The following TUBGCP6 variants were observed in gnomAD, a reference collection of about 807,000 sequenced individuals.
The protein encoded by TUBGCP6 is gamma-tubulin complex component 6.
A neutral mutation model predicts 175.8 loss-of-function variants in TUBGCP6; 161 were observed. That is an observed-to-expected ratio of 0.92 (90% CI 0.81 to 1.04). The LOEUF (loss-of-function observed/expected upper bound fraction) is 1.04. Ranked by LOEUF, TUBGCP6 falls within the 50% of genes least tolerant of loss-of-function variation. The pLI is 0.00. For synonymous variants in TUBGCP6, 1,173 were observed against 1,030.5 expected (o/e 1.14, Z -2.65); for missense variants, 2,572 against 2,433.0 (o/e 1.06, Z -1.20).
In TUBGCP6 at chr22:50,244,173, A is replaced by G; in HGVS notation, c.287T>C (p.Leu96Pro). Residue 96 changes from leucine (L) to proline (P), a missense_variant, in exon 1 of 25, where the codon CTG becomes CCG. Leu to Pro is a moderately conservative substitution (Grantham distance 98). Coordinates refer to ENST00000248846, the MANE Select transcript of TUBGCP6 (RefSeq NM_020461.4). ...AAGCGGACAGCAAGGGGCTGCTTCCAGCTCCTCCACAAGCTCCTCCAAACG... is the reference window on the plus strand; with the variant it reads ...AAGCGGACAGCAAGGGGCTGCTTCCGGCTCCTCCACAAGCTCCTCCAAACG... Reference protein sequence around the residue: ...ADRLEELVEELEAAPCCPLLE... With the variant: ...ADRLEELVEEPEAAPCCPLLE... The G allele has an allele frequency of 6.2e-7, 1 of 1,613,376 alleles. No homozygotes were observed. Among genetic ancestry groups the G allele is most frequent in the South Asian group, 1.1e-5 (1 of 91,084 alleles).
rs748339516 is a variant in TUBGCP6 at position 50,218,067 on chromosome 22, A to G, written c.5219T>C (p.Ile1740Thr). 10 of 1,613,432 alleles carry G rather than the reference A, an allele frequency of 6.2e-6. No individual in the cohort carries two copies. The highest frequency in any genetic ancestry group is 8.5e-6 in the Non-Finnish European group (10 of 1,179,916). ...AAPVMNVIHS[I>T]FSLVLKFRSQ... The stretch of plus-strand genomic sequence containing the variant: ...GCGGAACTTGAGCACGAGGCTGAAG[A>G]TGCTGTGGATGACGTTCATGACGGG... The change falls in exon 24 of 25, where the codon ATC (isoleucine) becomes ACC (threonine). Residue 1740 changes from isoleucine to threonine, a missense_variant. Coordinates refer to ENST00000248846, the MANE Select transcript of TUBGCP6 (RefSeq NM_020461.4).
Position 50,244,505 on chromosome 22 carries a change from C to G in TUBGCP6, c.-46G>C. 2.6e-6 allele frequency: 4 copies of G among 1,549,824 alleles called. No individual in the cohort carries two copies. The highest frequency in any genetic ancestry group is 1.9e-5 in the Admixed American group (1 of 52,020). On this transcript the variant is annotated 5_prime_UTR_variant, in exon 1 of 25. Coordinates refer to ENST00000248846, the MANE Select transcript of TUBGCP6 (RefSeq NM_020461.4). The stretch of plus-strand genomic sequence containing the variant: ...CCCCGGCGTGTGGGAAAACACCTCA[C>G]CCGGGCTTCACTCACGCTCCGGAAG...
In TUBGCP6 at chr22:50,217,904, A is replaced by T. The variant is rs766334237; in HGVS notation, c.5368+14T>A. The T allele has an allele frequency of 6.2e-7, 1 of 1,604,522 alleles. No homozygotes were observed. The highest frequency in any genetic ancestry group is 1.7e-5 in the Admixed American group (1 of 58,826). On this transcript the variant is annotated intron_variant, in intron 24 of 24. Coordinates refer to ENST00000248846, the MANE Select transcript of TUBGCP6 (RefSeq NM_020461.4). ...TGGCCCCCCCGCAGCCCTCCCAGCC[A>T]GGGTGGGCCTCACCTTTGAAGAGAA...
In TUBGCP6 at chr22:50,218,569, T is replaced by C; in HGVS notation, c.4873A>G (p.Ser1625Gly). 1 of 1,613,810 alleles carries C rather than the reference T, an allele frequency of 6.2e-7. No homozygotes were observed. Among genetic ancestry groups the C allele is most frequent in the Non-Finnish European group, 8.5e-7 (1 of 1,179,982 alleles). ...TGCAGCAGGAAGGAGAAGACGCCGC[T>C]GTACTTGCTCACGCAGCCCTCGGTG... is the stretch of plus-strand genomic sequence containing the variant. Reference protein sequence around the residue: ...VITEGCVSKYSGVFSFLLQLK... With the variant: ...VITEGCVSKYGGVFSFLLQLK... Residue 1625 changes from serine to glycine, a missense_variant, in exon 22 of 25, where the codon AGC (serine) becomes GGC (glycine). Ser to Gly is a moderately conservative substitution (Grantham distance 56). Coordinates refer to ENST00000248846, the MANE Select transcript of TUBGCP6 (RefSeq NM_020461.4).
rs2064607544 is a variant in TUBGCP6 at position 50,226,280 on chromosome 22, C to T, written c.1693+7G>A. On this transcript the variant is annotated splice_region_variant and intron_variant, in intron 8 of 24. Transcript: ENST00000248846. ...GGACCCCTGCCCCGCAATCAGCTGCCACCTACCTCGGAAGCTGAGGTACTC... is the reference window on the plus strand; with the variant it reads ...GGACCCCTGCCCCGCAATCAGCTGCTACCTACCTCGGAAGCTGAGGTACTC... The T allele has an allele frequency of 1.9e-6, 3 of 1,614,046 alleles. No homozygotes were observed. The highest frequency in any genetic ancestry group is 2.2e-5 in the East Asian group (1 of 44,874).
chr22:50,225,219 C>T lies in TUBGCP6; in HGVS notation c.1983+575G>A, dbSNP rs368919518. 5.4e-4 allele frequency among the ~76,000 whole-genome samples: 82 copies of T among 152,238 alleles called. 1 individual carries two copies. The East Asian group carries it at 0.014, about 27-fold the overall frequency. On this transcript the variant is annotated intron_variant, in intron 10 of 24. Coordinates refer to ENST00000248846, the MANE Select transcript of TUBGCP6 (RefSeq NM_020461.4). ...CCAAGAGGCCTCAAGAGGGGGCTTC[C>T]CCGCTCAGCCTCTTAGGCCTGCCCC...
At position 50,219,310 on chromosome 22, in the gene TUBGCP6, T is replaced by TG. The variant is rs1301448332; in HGVS notation, c.4461dup (p.Ile1488HisfsTer31). On this transcript the variant is annotated frameshift_variant, in exon 19 of 25. Transcript: ENST00000248846. LOFTEE classifies it high-confidence loss of function. ...CACTGGGCGGCCAGCGGTGCCGTGATGGAGCGCTTCATGAGCACGGGCAGC... is the reference window on the plus strand; with the variant it reads ...CACTGGGCGGCCAGCGGTGCCGTGATGGGAGCGCTTCATGAGCACGGGCAGC... The TG allele has an allele frequency of 6.2e-7, 1 of 1,604,228 alleles. No individual in the cohort carries two copies. The highest frequency in any genetic ancestry group is 2.2e-5 in the East Asian group (1 of 44,494).
chr22:50,219,268 G>A lies in TUBGCP6; in HGVS notation c.4484+20C>T, dbSNP rs571535156. On this transcript the variant is annotated intron_variant, in intron 19 of 24. Coordinates refer to ENST00000248846, the MANE Select transcript of TUBGCP6 (RefSeq NM_020461.4). ...GGACGGGCTGGGTGGGCAGACTGGC[G>A]CAGGGGCAGGGGCACTCACTGGGCG... 1.5e-5 allele frequency: 24 copies of A among 1,604,850 alleles called. No individual in the cohort carries two copies. In the Middle Eastern group the frequency reaches 5.1e-4, roughly 34 times the overall value.
Position 50,221,060 on chromosome 22 carries a change from G to C in TUBGCP6, c.3299C>G (p.Thr1100Ser). The change falls in exon 16 of 25, where the codon ACT becomes AGT. Residue 1100 changes from threonine (T) to serine (S), a missense_variant. Thr to Ser is a moderately conservative substitution (Grantham distance 58). Coordinates refer to ENST00000248846, the MANE Select transcript of TUBGCP6 (RefSeq NM_020461.4). The stretch of plus-strand genomic sequence containing the variant: ...TCCATGGATGTTCCACCGTGGCCGA[G>C]TGGGAGCCACATCTGACACAGACTC... The part of the protein sequence containing the change: ...LGESVSDVAP[T>S]RPRWNIHGHV... 6.2e-7 allele frequency: 1 copy of C among 1,612,912 alleles called. No homozygotes were observed. Among genetic ancestry groups the C allele is most frequent in the South Asian group, 1.1e-5 (1 of 90,956 alleles).
At chr22:50,235,704 G>A (rs925137640) in intron 2 of TUBGCP6, among the ~76,000 whole-genome samples, 2 of 152,180 alleles carry the variant, frequency 1.3e-5, no homozygotes, top group African/African-American at 2.4e-5. Context: ...CACTTTGGGA[G>A]GCCAAGAAAG....
At chr22:50,222,383 G>A in intron 14 of TUBGCP6, 71 bp downstream of exon 14, 1 of 1,589,958 alleles carries the variant, frequency 6.3e-7, no homozygotes, top group Non-Finnish European at 8.6e-7. Context: ...GTAGGTTTGT[G>A]TGCAGTCTCA....
Position 50,222,067 on chromosome 22 carries a change from G to A in TUBGCP6, c.2445C>T (p.Pro815=). 1 of 1,613,800 alleles carries A rather than the reference G, an allele frequency of 6.2e-7. No individual in the cohort carries two copies. The highest frequency in any genetic ancestry group is 8.5e-7 in the Non-Finnish European group (1 of 1,179,998). ...MLKAVSEAHQ[P]QEPPDVLLSV... ...TCAAGAGGACGTCTGGCGGCTCCTGGGGCTGGTGAGCCTCAGACACTGCTT... is the reference window on the plus strand; with the variant it reads ...TCAAGAGGACGTCTGGCGGCTCCTGAGGCTGGTGAGCCTCAGACACTGCTT... Residue 815 remains proline (P), a synonymous_variant, in exon 15 of 25, where the codon CCC becomes CCT. Coordinates refer to ENST00000248846, the MANE Select transcript of TUBGCP6 (RefSeq NM_020461.4).
chr22:50,221,933 G>C, intron 15 of TUBGCP6, 59 bp from the exon 16 acceptor site: 1 of 1,569,074 alleles, frequency 6.4e-7, no homozygotes, highest in Non-Finnish European at 8.7e-7. Context: ...CCCTCGAACT[G>C]TCCCCCAAGT....
rs1168487793 is a variant in TUBGCP6, at chr22:50,243,858, G to C, written c.602C>G (p.Pro201Arg). The change falls in exon 1 of 25, where the codon CCT becomes CGT. Residue 201 changes from proline to arginine, a missense_variant. Transcript: ENST00000248846. ...PTVGLFSFGD[P>R]CGDRFERDTR... ...GTCTCTCTCGAACCTGTCACCACAA[G>C]GGTCACCAAATGAGAAGAGCCCGAC... 3.7e-6 allele frequency: 6 copies of C among 1,613,660 alleles called. No homozygotes were observed. The African/African-American group carries it at 4.0e-5, about 11-fold the overall frequency.
At position 50,226,083 on chromosome 22, in the gene TUBGCP6, C is replaced by T; in HGVS notation, c.1800G>A (p.Lys600=). 1 of 1,614,186 alleles carries T rather than the reference C, an allele frequency of 6.2e-7. No individual in the cohort carries two copies. Among genetic ancestry groups the T allele is most frequent in the South Asian group, 1.1e-5 (1 of 91,078 alleles). The part of the protein sequence containing the change: ...HIAHDIYVCG[K]TINLLKLCCP... The stretch of plus-strand genomic sequence containing the variant: ...AGCAGAGCTTCAGCAGGTTAATGGT[C>T]TTTCCGCAGACGTATATGTCGTGGG... The change falls in exon 9 of 25, where the codon AAG becomes AAA. Residue 600 remains lysine, a synonymous_variant. Coordinates refer to ENST00000248846, the MANE Select transcript of TUBGCP6 (RefSeq NM_020461.4).
intron 2 of TUBGCP6, among the ~76,000 whole-genome samples, chr22:50,236,415 G>A (rs555723640): frequency 3.9e-5 from 6 of 152,284 alleles, no homozygotes; most frequent in South Asian, 2.1e-4. Context: ...GATTACAGGC[G>A]TGAGCCACTG....
At chr22:50,234,324 CCT>C (rs1217445387) in intron 2 of TUBGCP6, among the ~76,000 whole-genome samples, 4 of 5,770 alleles carry the variant, frequency 6.9e-4, no homozygotes, top group Non-Finnish European at 1.3e-3. Context: ...CATCCACACC[CCT>C]GTCCACAGCA....
Position 50,228,028 on chromosome 22 carries a change from C to T in TUBGCP6, c.1291G>A (p.Ala431Thr). Reference protein sequence around the residue: ...SLYSKGLVFQAFTSGLRRYLQ... With the variant: ...SLYSKGLVFQTFTSGLRRYLQ... ...TACCTCCTCAGGCCACTGGTGAAGGCCTGTGGGCAAAGAGGCTGGGAGGAG... is the reference window on the plus strand; with the variant it reads ...TACCTCCTCAGGCCACTGGTGAAGGTCTGTGGGCAAAGAGGCTGGGAGGAG... Residue 431 changes from alanine to threonine, a missense_variant and splice_region_variant, in exon 5 of 25, where the codon GCC becomes ACC. Physicochemically the swap from Ala to Thr is moderately conservative, Grantham distance 58 (BLOSUM62 0). Coordinates refer to ENST00000248846, the MANE Select transcript of TUBGCP6 (RefSeq NM_020461.4). 6.5e-7 allele frequency: 1 copy of T among 1,546,164 alleles called. No individual in the cohort carries two copies. The highest frequency in any genetic ancestry group is 1.2e-5 in the South Asian group (1 of 82,444).
At chr22:50,234,313 T>A (rs551261994) in intron 2 of TUBGCP6, among the ~76,000 whole-genome samples, 1 of 25,294 alleles carries the variant, frequency 4.0e-5, no homozygotes, top group East Asian at 3.0e-3. Context: ...CATGGCAGCA[T>A]CATCCACACC....
Sources: allele counts gnomAD v4.1 joint callset (sites outside exome capture counted in the v4.1 genomes callset), GRCh38; gene constraint gnomAD v4.1.1; transcripts MANE v1.5; gene names NCBI Gene and HGNC (gene_info 2026-07-23, HGNC 2026-07-21).